DYNC2H1: variants seen among roughly 807,000 people sequenced by gnomAD.
DYNC2H1 encodes the protein dynein cytoplasmic 2 heavy chain 1.
Under a neutral mutation model 570.0 loss-of-function variants are expected in DYNC2H1, and 410 were observed. The ratio of observed to expected loss-of-function variants is 0.72; its 90% confidence interval spans 0.66 to 0.78. The LOEUF (loss-of-function observed/expected upper bound fraction) is 0.78, where lower values mean the gene tolerates loss of function less well. Ranked by LOEUF, DYNC2H1 falls within the 30% of genes least tolerant of loss-of-function variation. The pLI, the probability that DYNC2H1 is intolerant of heterozygous loss-of-function variation, is 0.00. For synonymous variants in DYNC2H1, 1,688 were observed against 1,677.6 expected (o/e 1.01, Z -0.15); for missense variants, 4,865 against 5,046.4 (o/e 0.96, Z 1.09).
intron 20 of DYNC2H1, among the ~76,000 whole-genome samples, chr11:103,149,134 G>C (rs1269119424): frequency 2.0e-5 from 3 of 152,146 alleles, no homozygotes; most frequent in Non-Finnish European, 2.9e-5. Flanking sequence ...TAATAGTATT[G>C]TTTTCAGATC....
chr11:103,468,604 C>T lies in DYNC2H1; in HGVS notation c.12664C>T (p.Leu4222=), dbSNP rs753409097. Residue 4222 remains leucine (L), a synonymous_variant, in exon 88 of 89, where the codon CTA becomes TTA. Coordinates refer to ENST00000375735, the MANE Select transcript of DYNC2H1 (RefSeq NM_001377.3). ...TCCATGGCAGATCAGTGGCTTGTTA[C>T]TAGAAGGATGTAGTTTTGATGGAAA... The part of the protein sequence containing the change: ...KLQIKISGLL[L]EGCSFDGNQL... 1 of 1,613,112 alleles carries T rather than the reference C, an allele frequency of 6.2e-7. No individual in the cohort carries two copies. Among genetic ancestry groups the T allele is most frequent in the Non-Finnish European group, 8.5e-7 (1 of 1,179,398 alleles).
intron 82 of DYNC2H1, among the ~76,000 whole-genome samples, chr11:103,338,508 T>G (rs1939273973): frequency 6.6e-6 from 1 of 152,192 alleles, no homozygotes; most frequent in Non-Finnish European, 1.5e-5. Flanking sequence ...AGGATATCTT[T>G]CCATGTTTTT....
At chr11:103,158,874 A>G in intron 27 of DYNC2H1, 36 bp from the exon 28 acceptor site, 1 of 1,535,074 alleles carries the variant, frequency 6.5e-7, no homozygotes, top group Middle Eastern at 1.7e-4. Flanking sequence ...ATTATCTGAA[A>G]AAAAGAAAGC....
chr11:103,174,175 G>A lies in DYNC2H1; in HGVS notation c.5674+5G>A, dbSNP rs1197517716. On this transcript the variant is annotated splice_donor_5th_base_variant and intron_variant, in intron 36 of 88. Transcript: ENST00000375735. ...AAAGTGGCACTACACAGAATGGTAT[G>A]ATTGATTATTCCAAATACATTAACT... 5 of 1,542,096 alleles carry A rather than the reference G, an allele frequency of 3.2e-6. No homozygotes were observed. The highest frequency in any genetic ancestry group is 3.9e-5 in the Admixed American group (2 of 51,666).
intron 29 of DYNC2H1, 79 bp downstream of exon 29, chr11:103,161,123 T>G: frequency 1.3e-6 from 1 of 775,386 alleles, no homozygotes; most frequent in Non-Finnish European, 1.9e-6. Context: ...ATTTAGTCAA[T>G]TTAGAGGGTA....
intron 79 of DYNC2H1, 61 bp downstream of exon 79, chr11:103,312,094 T>G: frequency 6.5e-7 from 1 of 1,540,222 alleles, no homozygotes; most frequent in Non-Finnish European, 8.7e-7. Flanking sequence ...TTAAAATATT[T>G]TTGTGGCCAG....
chr11:103,450,094 T>A (rs1043527360), intron 85 of DYNC2H1, among the ~76,000 whole-genome samples: 8 of 152,174 alleles, frequency 5.3e-5, no homozygotes, highest in African/African-American at 1.9e-4. Context: ...CCAGCAAAGT[T>A]ACTAACCAGA....
intron 82 of DYNC2H1, among the ~76,000 whole-genome samples, chr11:103,343,301 G>A (rs1468919554): frequency 6.6e-6 from 1 of 152,100 alleles, no homozygotes; most frequent in African/African-American, 2.4e-5. Flanking sequence ...TGCCTCATGG[G>A]TCCTAACGCC....
intron 83 of DYNC2H1, among the ~76,000 whole-genome samples, chr11:103,380,566 T>C (rs936774413): frequency 6.6e-6 from 1 of 152,096 alleles, no homozygotes; most frequent in Non-Finnish European, 1.5e-5. Context: ...TGAGGAATTT[T>C]TTTTGTTTTT....
rs138494933 is a variant in DYNC2H1 at position 103,337,241 on chromosome 11, C to T, written c.12039+13251C>T. Among the ~76,000 whole-genome samples the T allele has an allele frequency of 2.0e-5, 3 of 152,268 alleles. No homozygotes were observed. The East Asian group carries it at 5.8e-4, about 29-fold the overall frequency. On this transcript the variant is annotated intron_variant, in intron 82 of 88. Coordinates refer to ENST00000375735, the MANE Select transcript of DYNC2H1 (RefSeq NM_001377.3). ...TAATCTGAAATCTATAGAAACAATG[C>T]TTATCACTGGCTTGCTGTCAATAAA...
chr11:103,189,860 A>C lies in DYNC2H1; in HGVS notation c.7437+44A>C. ...TGTAGCTTTCATGTCTATTAGTATCATTTCTAAAGGTCTACTTTTAATTCT... is the reference window on the plus strand; with the variant it reads ...TGTAGCTTTCATGTCTATTAGTATCCTTTCTAAAGGTCTACTTTTAATTCT... On this transcript the variant is annotated intron_variant, in intron 45 of 88. Transcript: ENST00000375735. The surrounding 1 kb of genome is among the most constrained non-coding windows in gnomAD (Gnocchi z 4.3). 1 of 1,534,302 alleles carries C rather than the reference A, an allele frequency of 6.5e-7. No homozygotes were observed. The highest frequency in any genetic ancestry group is 8.7e-7 in the Non-Finnish European group (1 of 1,144,570).
intron 84 of DYNC2H1, among the ~76,000 whole-genome samples, chr11:103,430,432 AT>A (rs1943847410): frequency 6.6e-6 from 1 of 151,980 alleles, no homozygotes; most frequent in Non-Finnish European, 1.5e-5. Flanking sequence ...TCTTTTTCTC[AT>A]TTTCACATGG....
At chr11:103,135,660 T>C (rs1423507551) in intron 16 of DYNC2H1, 26 bp downstream of exon 16, 3 of 1,608,792 alleles carry the variant, frequency 1.9e-6, no homozygotes, top group Non-Finnish European at 2.5e-6. Context: ...AACCCCAATT[T>C]AATGTTCATT....
Position 103,458,439 on chromosome 11 carries a change from A to G in DYNC2H1, c.12648+2083A>G, listed in dbSNP as rs139675940. ...ATGTATTCCCATCATTAAGTGATGT[A>G]TGACTGTATTCCAAAATTCAAAAAA... On this transcript the variant is annotated intron_variant, in intron 87 of 88. Transcript: ENST00000375735. Among the ~76,000 whole-genome samples, 420 of 152,316 alleles carry G rather than the reference A, an allele frequency of 2.8e-3. 5 individuals are homozygous for G. Among genetic ancestry groups the G allele is most frequent in the African/African-American group, 9.5e-3 (396 of 41,582 alleles).
Position 103,282,175 on chromosome 11 carries a change from A to G in DYNC2H1, c.10762-4A>G, listed in dbSNP as rs751742333. 6.8e-6 allele frequency: 11 copies of G among 1,606,606 alleles called. No individual in the cohort carries two copies. Among genetic ancestry groups the G allele is most frequent in the East Asian group, 6.7e-5 (3 of 44,456 alleles). On this transcript the variant is annotated splice_polypyrimidine_tract_variant and splice_region_variant and intron_variant, in intron 71 of 88. Transcript: ENST00000375735. ...TTTTGTGTTCCTATATTTTTATTCA[A>G]TAGGAATGGGATACGTTTACAGGTG...
chr11:103,300,259 G>T (rs987056603), intron 75 of DYNC2H1, among the ~76,000 whole-genome samples: 1 of 151,826 alleles, frequency 6.6e-6, no homozygotes, highest in East Asian at 1.9e-4. Flanking sequence ...AACAATAAAG[G>T]TTTCAGTTAT....
intron 54 of DYNC2H1, among the ~76,000 whole-genome samples, chr11:103,212,383 A>G (rs887074432): frequency 6.6e-6 from 1 of 152,014 alleles, no homozygotes; most frequent in South Asian, 2.1e-4. Flanking sequence ...GTATCTCACA[A>G]TTCACCACTA....
intron 63 of DYNC2H1, 39 bp downstream of exon 63, chr11:103,236,578 T>C: frequency 9.0e-7 from 1 of 1,116,332 alleles, no homozygotes; most frequent in East Asian, 2.6e-5. Flanking sequence ...AGAAATGTTT[T>C]ATTGTCAAGC....
chr11:103,280,797 G>A lies in DYNC2H1; in HGVS notation c.10761+384G>A, dbSNP rs1000196158. 2.0e-5 allele frequency among the ~76,000 whole-genome samples: 3 copies of A among 152,084 alleles called. No homozygotes were observed. Among genetic ancestry groups the A allele is most frequent in the African/African-American group, 7.2e-5 (3 of 41,424 alleles). Reference sequence around the variant, plus strand: ...ATTGCTTCCACTGAACTGTCAAGAGGCAGCAGGTGAGGCATGAAGATGGGC... The same window carrying A: ...ATTGCTTCCACTGAACTGTCAAGAGACAGCAGGTGAGGCATGAAGATGGGC... On this transcript the variant is annotated intron_variant, in intron 71 of 88. Coordinates refer to ENST00000375735, the MANE Select transcript of DYNC2H1 (RefSeq NM_001377.3). The surrounding 1 kb of genome is among the most constrained non-coding windows in gnomAD (Gnocchi z 4.7).
Sources: allele counts gnomAD v4.1 joint callset (sites outside exome capture counted in the v4.1 genomes callset), GRCh38; gene constraint gnomAD v4.1.1; non-coding constraint Gnocchi (gnomAD v3.1); transcripts MANE v1.5; gene names NCBI Gene and HGNC (gene_info 2026-07-23, HGNC 2026-07-21).